The following RBFOX1 variants were observed in gnomAD, a reference collection of about 807,000 sequenced individuals.
RBFOX1 encodes the protein RNA binding fox-1 homolog 1.
Under a neutral mutation model 57.7 loss-of-function variants are expected in RBFOX1, and 8 were observed. The ratio of observed to expected loss-of-function variants is 0.14; its 90% confidence interval spans 0.08 to 0.25. The LOEUF (loss-of-function observed/expected upper bound fraction) is 0.25. Among genes scored for constraint, RBFOX1 ranks in the 10% least tolerant of loss-of-function variants. RBFOX1 has a pLI of 1.00. For missense variants in RBFOX1, 611 were observed against 548.5 expected, an observed-to-expected ratio of 1.11 and a Z score of -1.14; for synonymous variants, 326 against 222.4, an observed-to-expected ratio of 1.47 and a Z score of -4.15.
At chr16:7,097,926 A>G (rs1299430133) in intron 4 of RBFOX1, among the ~76,000 whole-genome samples, 1 of 152,226 alleles carries the variant, frequency 6.6e-6, no homozygotes, top group African/African-American at 2.4e-5. Context: ...TAGTAAAAGC[A>G]CTTTTGGTTG....
At chr16:6,818,117 C>G (rs183010878) in intron 3 of RBFOX1, among the ~76,000 whole-genome samples, 157 of 152,224 alleles carry the variant, frequency 1.0e-3, no homozygotes, top group African/African-American at 3.6e-3. Context: ...TCCACCCCTC[C>G]CTCTATGGAA....
intron 1 of RBFOX1, among the ~76,000 whole-genome samples, chr16:6,085,567 C>T (rs549242838): frequency 1.3e-5 from 2 of 152,316 alleles, no homozygotes; most frequent in East Asian, 1.9e-4. Flanking sequence ...CTGTGCCCGA[C>T]CCTCACACCC....
intron 4 of RBFOX1, among the ~76,000 whole-genome samples, chr16:7,461,175 ATTTT>A (rs201758297): frequency 1.4e-5 from 2 of 147,804 alleles, no homozygotes; most frequent in African/African-American, 4.9e-5. Context: ...AGGCAAAACA[ATTTT>A]TTTTTTTTTG....
At chr16:7,598,464 A>G (rs7500844) in intron 9 of RBFOX1, among the ~76,000 whole-genome samples, 138,173 of 152,104 alleles carry the variant, frequency 0.91, 63,014 homozygotes, top group African/African-American at 0.94. Flanking sequence ...TACTTCTAAA[A>G]TTTTAATTGC....
chr16:7,485,187 C>T (rs991041489), intron 4 of RBFOX1, among the ~76,000 whole-genome samples: 1 of 152,092 alleles, frequency 6.6e-6, no homozygotes, highest in African/African-American at 2.4e-5. Flanking sequence ...GGTGTGTTCA[C>T]TGACCTACCT....
chr16:6,927,931 G>T (rs1285045295), intron 3 of RBFOX1, among the ~76,000 whole-genome samples: 1 of 152,104 alleles, frequency 6.6e-6, no homozygotes, highest in Admixed American at 6.5e-5. Context: ...TGATATAATG[G>T]CATTGGTCAT....
intron 14 of RBFOX1, among the ~76,000 whole-genome samples, chr16:7,680,784 A>T (rs2074528805): frequency 6.6e-6 from 1 of 152,196 alleles, no homozygotes; most frequent in African/African-American, 2.4e-5. Context: ...GACAAAAATG[A>T]CATATTGGCT....
chr16:6,382,877 TA>T (rs769747485), intron 2 of RBFOX1, among the ~76,000 whole-genome samples: 61 of 152,190 alleles, frequency 4.0e-4, no homozygotes, highest in Non-Finnish European at 7.2e-4. Flanking sequence ...AAAATGCTTT[TA>T]CTCTCAAGCC....
At chr16:6,896,505 G>A (rs548237793) in intron 3 of RBFOX1, among the ~76,000 whole-genome samples, 35 of 152,174 alleles carry the variant, frequency 2.3e-4, no homozygotes, top group African/African-American at 8.4e-4. Flanking sequence ...CCACTAATAA[G>A]TGAGAATATA....
At chr16:7,701,529 C>T (rs1285694530) in intron 14 of RBFOX1, among the ~76,000 whole-genome samples, 1 of 152,164 alleles carries the variant, frequency 6.6e-6, no homozygotes, top group South Asian at 2.1e-4. Context: ...AACTATTCTC[C>T]ACCTCCCTGG....
At chr16:6,548,607 A>G (rs1432674382) in intron 2 of RBFOX1, among the ~76,000 whole-genome samples, 1 of 152,196 alleles carries the variant, frequency 6.6e-6, no homozygotes, top group Admixed American at 6.5e-5. Context: ...AAACTTTCAA[A>G]TAAGCTGAAG....
chr16:7,468,203 G>T (rs1024287572), intron 4 of RBFOX1, among the ~76,000 whole-genome samples: 2 of 152,188 alleles, frequency 1.3e-5, no homozygotes, highest in Non-Finnish European at 1.5e-5. Flanking sequence ...GCTGAAAAGG[G>T]TAAGGAGACA....
chr16:6,378,680 C>T (rs2091471679), intron 2 of RBFOX1, among the ~76,000 whole-genome samples: 1 of 152,186 alleles, frequency 6.6e-6, no homozygotes, highest in African/African-American at 2.4e-5. Context: ...TCAAATGTCA[C>T]CCTTTAGAGG....
chr16:6,675,165 A>T (rs146915511), intron 3 of RBFOX1, among the ~76,000 whole-genome samples: 80 of 152,186 alleles, frequency 5.3e-4, no homozygotes, highest in Non-Finnish European at 6.3e-4. Context: ...CGGCCTCCCA[A>T]AGTGCTGGGT....
intron 3 of RBFOX1, among the ~76,000 whole-genome samples, chr16:5,797,338 A>G (rs1180023928): frequency 6.6e-6 from 1 of 152,210 alleles, no homozygotes; most frequent in Non-Finnish European, 1.5e-5. Context: ...GTCCACACCC[A>G]CTTCTTGGGA....
intron 4 of RBFOX1, among the ~76,000 whole-genome samples, chr16:7,275,174 G>A (rs911130860): frequency 6.6e-6 from 1 of 152,034 alleles, no homozygotes; most frequent in Non-Finnish European, 1.5e-5. Context: ...GGGATAGAGG[G>A]AGAGAGGAAG....
chr16:6,768,066 C>G (rs2077659385), intron 3 of RBFOX1, among the ~76,000 whole-genome samples: 2 of 151,304 alleles, frequency 1.3e-5, no homozygotes, highest in African/African-American at 4.9e-5. Context: ...AATTTTCTCC[C>G]TTAGTTATTT....
chr16:6,115,837 G>A (rs1230447619), intron 1 of RBFOX1, among the ~76,000 whole-genome samples: 1 of 152,104 alleles, frequency 6.6e-6, no homozygotes, highest in Non-Finnish European at 1.5e-5. Flanking sequence ...CTGCTCTCCT[G>A]AGCTGTGGTA....
At chr16:7,433,452 T>C (rs17563428) in intron 4 of RBFOX1, among the ~76,000 whole-genome samples, 5,460 of 152,308 alleles carry the variant, frequency 0.036, 124 homozygotes, top group African/African-American at 0.07. Flanking sequence ...GAATGTTCCA[T>C]GTAGAGCAGA....
Sources: gnomAD v4.1 joint callset for allele counts (sites outside exome capture counted in the v4.1 genomes callset) on GRCh38, gnomAD v4.1.1 for gene constraint, MANE v1.5 for transcripts, NCBI Gene and HGNC (gene_info 2026-07-23, HGNC 2026-07-21) for gene names.